RPS6KA2: variants seen among roughly 807,000 people sequenced by gnomAD.
RPS6KA2 encodes ribosomal protein S6 kinase alpha-2.
In RPS6KA2, 42 loss-of-function variants were observed where a neutral mutation model predicts 91.8. That is an observed-to-expected ratio of 0.46 (90% confidence interval 0.36 to 0.59). The LOEUF is 0.59. Among genes scored for constraint, RPS6KA2 ranks in the 20% least tolerant of loss-of-function variants. RPS6KA2 has a pLI of 0.00. For missense variants in RPS6KA2, 798 were observed against 978.5 expected (o/e 0.82, Z 2.46); for synonymous variants, 414 against 393.6 (o/e 1.05, Z -0.61).
intron 2 of RPS6KA2, chr6:166,858,165 A>G (rs889440026): frequency 3.1e-6 from 4 of 1,304,042 alleles, no homozygotes; most frequent in Non-Finnish European, 4.5e-6. Context: ...AATCTCCCCA[A>G]ACAAAGCAGA....
rs1309191496 is a variant in RPS6KA2, at chr6:166,704,258, C to T, written c.123+153942G>A. ...AGCATGCAGTATGTAGCCAAGGTGA[C>T]CCAAGGTCAGTGTCTCCTTCTAGAT... On this transcript the variant is annotated intron_variant, in intron 2 of 21. Coordinates refer to the RPS6KA2 transcript ENST00000503859. Among the ~76,000 whole-genome samples, 3 of 152,170 alleles carry T rather than the reference C, an allele frequency of 2.0e-5. No individual in the cohort carries two copies. The East Asian group carries it at 5.8e-4, about 29-fold the overall frequency.
At chr6:166,828,794 G>A (rs1490032089) in intron 2 of RPS6KA2, among the ~76,000 whole-genome samples, 1 of 152,012 alleles carries the variant, frequency 6.6e-6, no homozygotes, top group Non-Finnish European at 1.5e-5. Context: ...GACGTCAAAG[G>A]CACAGGCAAC....
chr6:166,704,884 C>T (rs1467527569), intron 2 of RPS6KA2, among the ~76,000 whole-genome samples: 1 of 152,138 alleles, frequency 6.6e-6, no homozygotes, highest in East Asian at 1.9e-4. Flanking sequence ...GCAGCATATT[C>T]CATTTATTGG....
intron 2 of RPS6KA2, among the ~76,000 whole-genome samples, chr6:166,822,129 T>C (rs1779920477): frequency 6.6e-6 from 1 of 152,178 alleles, no homozygotes; most frequent in African/African-American, 2.4e-5. Context: ...GCAGAACAGC[T>C]GCAGTGGATT....
At chr6:166,757,706 A>G in intron 2 of RPS6KA2, 2 of 419,060 alleles carry the variant, frequency 4.8e-6, no homozygotes, top group South Asian at 3.4e-5. Context: ...GCCACCCCGC[A>G]CACCTCCTCT....
intron 2 of RPS6KA2, among the ~76,000 whole-genome samples, chr6:166,538,137 A>G (rs1295415289): frequency 6.6e-6 from 1 of 152,180 alleles, no homozygotes; most frequent in Non-Finnish European, 1.5e-5. Flanking sequence ...CAACTGTATA[A>G]AGTAGGTTTT....
At chr6:166,485,940 AC>A (rs1208526882) in intron 10 of RPS6KA2, among the ~76,000 whole-genome samples, 1 of 152,148 alleles carries the variant, frequency 6.6e-6, no homozygotes, top group Non-Finnish European at 1.5e-5. Flanking sequence ...GACTCTGGGC[AC>A]TAAGGGTGAG....
In RPS6KA2 at chr6:166,469,870, G is replaced by A; in HGVS notation, c.943C>T (p.His315Tyr). ...GIDGVEEIKR[H>Y]PFFVTIDWNT... is the part of the protein sequence containing the mutation. ...CAGTCTATGGTCACAAAGAAGGGAT[G>A]GCGCTTAATTTCCTCCACTCCGTCA... Residue 315 changes from histidine (H) to tyrosine (Y), a missense_variant, in exon 11 of 21, where the codon CAT becomes TAT. Coordinates refer to ENST00000265678, the MANE Select transcript of RPS6KA2 (RefSeq NM_021135.6). 1.9e-6 allele frequency: 3 copies of A among 1,614,190 alleles called. No homozygotes were observed. Among genetic ancestry groups the A allele is most frequent in the Non-Finnish European group, 2.5e-6 (3 of 1,179,988 alleles).
At chr6:166,854,360 T>C (rs1405932831) in intron 2 of RPS6KA2, among the ~76,000 whole-genome samples, 1 of 152,216 alleles carries the variant, frequency 6.6e-6, no homozygotes, top group Non-Finnish European at 1.5e-5. Flanking sequence ...CTATCCCAAA[T>C]GCCTTCTACA....
intron 2 of RPS6KA2, among the ~76,000 whole-genome samples, chr6:166,834,162 G>A (rs1780257826): frequency 6.6e-6 from 1 of 152,208 alleles, no homozygotes; most frequent in Admixed American, 6.5e-5. Flanking sequence ...AACAACGGAA[G>A]AGAGTTCCAG....
At chr6:166,432,270 G>A in intron 15 of RPS6KA2, 131 bp downstream of exon 15, 2 of 658,614 alleles carry the variant, frequency 3.0e-6, no homozygotes, top group Non-Finnish European at 5.5e-6. Context: ...AAGTGACTGA[G>A]ATATGTGGGT....
chr6:166,535,846 A>G (rs1783460413), intron 2 of RPS6KA2, among the ~76,000 whole-genome samples: 2 of 152,232 alleles, frequency 1.3e-5, no homozygotes, highest in Non-Finnish European at 1.5e-5. Flanking sequence ...ATAGCGATGA[A>G]ATCATGATGG....
intron 2 of RPS6KA2, among the ~76,000 whole-genome samples, chr6:166,715,934 A>T (rs1450141486): frequency 6.8e-6 from 1 of 147,714 alleles, no homozygotes; most frequent in Non-Finnish European, 1.5e-5. Context: ...GCTACTTGGG[A>T]GGCTGAGGCA....
intron 2 of RPS6KA2, among the ~76,000 whole-genome samples, chr6:166,836,276 C>T (rs947438099): frequency 2.0e-5 from 3 of 152,122 alleles, no homozygotes; most frequent in African/African-American, 7.2e-5. Flanking sequence ...TAAAATACTT[C>T]CTCCTCTTTT....
intron 2 of RPS6KA2, among the ~76,000 whole-genome samples, chr6:166,656,102 A>G (rs1463291344): frequency 6.6e-6 from 1 of 152,218 alleles, no homozygotes; most frequent in Non-Finnish European, 1.5e-5. Context: ...ACCGTGAACA[A>G]AGGAAGAGAG....
intron 2 of RPS6KA2, among the ~76,000 whole-genome samples, chr6:166,832,393 C>T (rs1780210075): frequency 6.6e-6 from 1 of 152,114 alleles, no homozygotes; most frequent in Non-Finnish European, 1.5e-5. Context: ...ATTTTGAATC[C>T]AGTTTGAATC....
Position 166,457,709 on chromosome 6 carries a change from G to A in RPS6KA2, c.1075+1740C>T, listed in dbSNP as rs3778433. Among the ~76,000 whole-genome samples, 60 of 152,086 alleles carry A rather than the reference G, an allele frequency of 3.9e-4. 1 individual carries two copies. The East Asian group carries it at 0.01, about 26-fold the overall frequency. On this transcript the variant is annotated intron_variant, in intron 12 of 20. Coordinates refer to ENST00000265678, the MANE Select transcript of RPS6KA2 (RefSeq NM_021135.6). ...CTGGCCTAGGCCCATCAAAAGTCCCGCTAAAAGCCCCGCAACCCTCCCTAT... is the reference window on the plus strand; with the variant it reads ...CTGGCCTAGGCCCATCAAAAGTCCCACTAAAAGCCCCGCAACCCTCCCTAT...
chr6:166,620,177 A>G (rs745398376), intron 1 of RPS6KA2, among the ~76,000 whole-genome samples: 3 of 152,222 alleles, frequency 2.0e-5, no homozygotes, highest in Non-Finnish European at 4.4e-5. Flanking sequence ...TTCCACAGGT[A>G]TGAGGCCTGT....
At chr6:166,724,553 G>A (rs1484362184) in intron 2 of RPS6KA2, among the ~76,000 whole-genome samples, 8 of 151,878 alleles carry the variant, frequency 5.3e-5, no homozygotes, top group South Asian at 4.2e-4. Context: ...GCTTCTTCCC[G>A]CCATCTGAGA....
Sources: allele counts gnomAD v4.1 joint callset (sites outside exome capture counted in the v4.1 genomes callset), GRCh38; gene constraint gnomAD v4.1.1; transcripts MANE v1.5; gene names NCBI Gene and HGNC (gene_info 2026-07-23, HGNC 2026-07-21).